SIL1: variants seen among roughly 807,000 people sequenced by gnomAD.
SIL1 encodes the protein nucleotide exchange factor SIL1.
A neutral mutation model predicts 49.1 loss-of-function variants in SIL1; 40 were observed. The ratio of observed to expected loss-of-function variants is 0.81; its 90% CI spans 0.63 to 1.06. SIL1 has a LOEUF of 1.06. Among genes scored for constraint, SIL1 ranks in the 50% least tolerant of loss-of-function variants. The pLI is 0.00. For missense variants in SIL1, 500 were observed against 572.6 expected, an observed-to-expected ratio of 0.87 and a Z score of 1.29; for synonymous variants, 253 against 250.8, an observed-to-expected ratio of 1.01 and a Z score of -0.08.
Position 138,946,864 on chromosome 5 carries a change from G to A in SIL1, c.*253C>T, listed in dbSNP as rs765157582. The A allele has an allele frequency of 7.3e-6, 4 of 549,104 alleles. No homozygotes were observed. Among genetic ancestry groups the A allele is most frequent in the Non-Finnish European group, 1.3e-5 (4 of 303,594 alleles). The allele number at this position is 549,104 out of a possible 1,614,324, so 34.0% of individuals were successfully genotyped here. ...CTCCTGGGCCCAGGTTCCTGCCCTGGAGCCTGTTCCTGGATGCCCTGGGCT... is the reference window on the plus strand; with the variant it reads ...CTCCTGGGCCCAGGTTCCTGCCCTGAAGCCTGTTCCTGGATGCCCTGGGCT... On this transcript the variant is annotated 3_prime_UTR_variant, in exon 10 of 10. Transcript: ENST00000394817.
chr5:138,970,772 C>T (rs932153021), intron 7 of SIL1, among the ~76,000 whole-genome samples: 6 of 152,040 alleles, frequency 3.9e-5, no homozygotes, highest in East Asian at 1.9e-4. Flanking sequence ...TGTGGCGATG[C>T]GCACCTGTAG....
chr5:139,192,189 A>G (rs937620961), intron 1 of SIL1, among the ~76,000 whole-genome samples: 3 of 151,786 alleles, frequency 2.0e-5, no homozygotes, highest in Non-Finnish European at 4.4e-5. Flanking sequence ...CAGGAGTTCA[A>G]GACTAGCCTG....
intron 1 of SIL1, among the ~76,000 whole-genome samples, chr5:139,139,511 T>C (rs1333857724): frequency 1.3e-5 from 2 of 152,222 alleles, no homozygotes. Flanking sequence ...ACTCACACTC[T>C]AAAAGCAAAT....
At position 139,056,595 on chromosome 5, in the gene SIL1, T is replaced by TG. The variant is rs1175357778; in HGVS notation, c.245-5550dup. On this transcript the variant is annotated intron_variant, in intron 3 of 9. Coordinates refer to ENST00000394817, the MANE Select transcript of SIL1 (RefSeq NM_022464.5). ...CCAGCCGCCCCGTCCGGGAGGGAGG[T>TG]GGGGGGGTCAGCCCCCCGCCCGGCC... Among the ~76,000 whole-genome samples, 19 of 126,488 alleles carry TG rather than the reference T, an allele frequency of 1.5e-4. 1 individual carries two copies. The highest frequency in any genetic ancestry group is 3.8e-4 in the Admixed American group (5 of 13,232). 83.0% of individuals were successfully genotyped at this position (126,488 alleles called of 152,430 possible).
intron 1 of SIL1, chr5:139,137,329 G>A (rs372560852): frequency 8.5e-6 from 6 of 702,434 alleles, no homozygotes; most frequent in Admixed American, 2.0e-5. Flanking sequence ...GTTAAGTAAC[G>A]TGCCAGAGTT....
intron 5 of SIL1, among the ~76,000 whole-genome samples, chr5:139,038,159 C>A (rs1172894987): frequency 6.6e-6 from 1 of 152,188 alleles, no homozygotes; most frequent in African/African-American, 2.4e-5. Flanking sequence ...AGGGTTAGGG[C>A]TTCAACTTAT....
intron 2 of SIL1, among the ~76,000 whole-genome samples, chr5:139,123,406 T>C (rs1750687936): frequency 6.6e-6 from 1 of 152,142 alleles, no homozygotes; most frequent in Non-Finnish European, 1.5e-5. Flanking sequence ...AGGGCTTAGT[T>C]TGAAGCTGCT....
intron 3 of SIL1, among the ~76,000 whole-genome samples, chr5:139,105,027 AGCAGG>A (rs1770669745): frequency 6.6e-6 from 1 of 152,146 alleles, no homozygotes; most frequent in Admixed American, 6.5e-5. Context: ...CAATGAGGGG[AGCAGG>A]GCAGGGATAG....
chr5:139,102,708 C>CTTTTTTTTTTTT (rs66644479), intron 3 of SIL1, among the ~76,000 whole-genome samples: 1 of 137,996 alleles, frequency 7.2e-6, no homozygotes, highest in African/African-American at 2.7e-5. Flanking sequence ...CTGCTTTTTT[C>CTTTTTTTTTTTT]TTTTTTTTTT....
intron 3 of SIL1, among the ~76,000 whole-genome samples, chr5:139,082,944 C>T (rs534811332): frequency 6.6e-6 from 1 of 152,350 alleles, no homozygotes; most frequent in East Asian, 1.9e-4. Context: ...AGGAAGGCCC[C>T]AGGATACCCA....
At chr5:139,171,545 C>T (rs1009664475) in intron 1 of SIL1, among the ~76,000 whole-genome samples, 4 of 151,854 alleles carry the variant, frequency 2.6e-5, no homozygotes, top group Admixed American at 2.0e-4. Context: ...TCTCAAGTAC[C>T]CAGGGACACA....
chr5:138,980,503 A>G (rs1767491696), intron 7 of SIL1, among the ~76,000 whole-genome samples: 1 of 152,208 alleles, frequency 6.6e-6, no homozygotes, highest in African/African-American at 2.4e-5. Flanking sequence ...CATCAGTTGC[A>G]GCATCAAGAA....
intron 1 of SIL1, among the ~76,000 whole-genome samples, chr5:139,160,307 A>T (rs1014969990): frequency 2.6e-5 from 4 of 152,142 alleles, no homozygotes; most frequent in African/African-American, 9.7e-5. Context: ...TGCAGAAACA[A>T]CACAGGGGCC....
chr5:139,061,600 G>A (rs10045761), intron 3 of SIL1, among the ~76,000 whole-genome samples: 64,441 of 152,068 alleles, frequency 0.42, 14,574 homozygotes, highest in African/African-American at 0.6. Flanking sequence ...AGAATTTATC[G>A]TGTCTGTTTT....
intron 1 of SIL1, among the ~76,000 whole-genome samples, chr5:139,129,111 C>T (rs1281968055): frequency 1.3e-5 from 2 of 152,170 alleles, no homozygotes; most frequent in African/African-American, 4.8e-5. Flanking sequence ...CGCACCACTG[C>T]ACTACAACCT....
At chr5:139,173,405 T>C (rs1581151405) in intron 1 of SIL1, among the ~76,000 whole-genome samples, 1 of 148,908 alleles carries the variant, frequency 6.7e-6, no homozygotes, top group Middle Eastern at 3.7e-3. Flanking sequence ...CAAAAATTAG[T>C]TGGGGGTGAT....
At chr5:139,035,441 C>G in intron 5 of SIL1, 1 of 539,498 alleles carries the variant, frequency 1.9e-6, no homozygotes, top group Non-Finnish European at 3.7e-6. Flanking sequence ...CAATCAGGGC[C>G]TGTCTGTTCT....
At chr5:139,045,956 A>ATC (rs1209861615) in intron 4 of SIL1, among the ~76,000 whole-genome samples, 1 of 152,220 alleles carries the variant, frequency 6.6e-6, no homozygotes, top group African/African-American at 2.4e-5. Context: ...CTGAAATGAC[A>ATC]TCCTAATTCT....
chr5:139,073,991 T>C (rs1448924177), intron 3 of SIL1, among the ~76,000 whole-genome samples: 1 of 152,180 alleles, frequency 6.6e-6, no homozygotes, highest in Non-Finnish European at 1.5e-5. Flanking sequence ...AAAAATATGA[T>C]AACTATGTGA....
Sources: gnomAD v4.1 joint callset for allele counts (sites outside exome capture counted in the v4.1 genomes callset) on GRCh38, gnomAD v4.1.1 for gene constraint, MANE v1.5 for transcripts, NCBI Gene and HGNC (gene_info 2026-07-23, HGNC 2026-07-21) for gene names.